Variants in ADGRV1 observed in about 807,000 individuals in gnomAD.
ADGRV1 encodes the protein adhesion G protein-coupled receptor V1.
Under a neutral mutation model 596.2 loss-of-function variants are expected in ADGRV1, and 359 were observed. The ratio of observed to expected loss-of-function variants is 0.60; its 90% CI spans 0.55 to 0.66. The LOEUF is 0.66. ADGRV1 is among the 30% of genes least tolerant of loss of function. The pLI, the probability that ADGRV1 is intolerant of heterozygous loss-of-function variation, is 0.00. For missense variants in ADGRV1, 7,274 were observed against 7,575.6 expected (o/e 0.96, Z 1.48); for synonymous variants, 2,681 against 2,679.2 (o/e 1.00, Z -0.02).
At chr5:90,865,136 T>C (rs1322597763) in intron 83 of ADGRV1, among the ~76,000 whole-genome samples, 1 of 152,148 alleles carries the variant, frequency 6.6e-6, no homozygotes, top group Non-Finnish European at 1.5e-5. Context: ...CAGAGGTCTC[T>C]GATTGGTTTT....
chr5:90,828,906 A>C, intron 76 of ADGRV1, 38 bp from the exon 77 acceptor site: 1 of 1,406,806 alleles, frequency 7.1e-7, no homozygotes, highest in Non-Finnish European at 9.6e-7. Flanking sequence ...GAAATATATT[A>C]GTAATAGTTG....
At chr5:90,563,285 T>G (rs1755105190) in intron 1 of ADGRV1, among the ~76,000 whole-genome samples, 1 of 152,232 alleles carries the variant, frequency 6.6e-6, no homozygotes, top group South Asian at 2.1e-4. Context: ...AACGAAGTAC[T>G]TGGGTTTATA....
intron 78 of ADGRV1, among the ~76,000 whole-genome samples, chr5:90,844,203 G>C (rs1765667128): frequency 6.6e-6 from 1 of 152,030 alleles, no homozygotes; most frequent in Non-Finnish European, 1.5e-5. Flanking sequence ...TATTAAAAAG[G>C]ACAGAATAGA....
At chr5:90,887,839 A>G (rs1052629838) in intron 83 of ADGRV1, among the ~76,000 whole-genome samples, 2 of 152,150 alleles carry the variant, frequency 1.3e-5, no homozygotes, top group African/African-American at 4.8e-5. Context: ...TTACTAGCCA[A>G]TGCTTCCTTT....
intron 87 of ADGRV1, among the ~76,000 whole-genome samples, chr5:91,125,581 G>A (rs528805193): frequency 6.6e-6 from 1 of 152,266 alleles, no homozygotes; most frequent in Non-Finnish European, 1.5e-5. Context: ...CAGTTAGAGT[G>A]CCATCCCTAA....
Position 90,788,067 on chromosome 5 carries a change from G to T in ADGRV1, c.13654-4G>T. On this transcript the variant is annotated splice_polypyrimidine_tract_variant and splice_region_variant and intron_variant, in intron 67 of 89. Transcript: ENST00000405460. ...GAAATACCAAAACCAAAAACATCCCGCAGGTGAACTGGGAGACAGTAGGAC... is the reference window on the plus strand; with the variant it reads ...GAAATACCAAAACCAAAAACATCCCTCAGGTGAACTGGGAGACAGTAGGAC... The T allele has an allele frequency of 4.4e-6, 7 of 1,582,638 alleles. No individual in the cohort carries two copies. The highest frequency in any genetic ancestry group is 5.1e-6 in the Non-Finnish European group (6 of 1,165,332).
chr5:91,153,207 C>T lies in ADGRV1; in HGVS notation c.18625-14C>T, dbSNP rs1796203005. 2 of 1,593,814 alleles carry T rather than the reference C, an allele frequency of 1.3e-6. No homozygotes were observed. The highest frequency in any genetic ancestry group is 2.3e-5 in the South Asian group (2 of 87,808). On this transcript the variant is annotated splice_polypyrimidine_tract_variant and intron_variant, in intron 88 of 89. Transcript: ENST00000405460. ...TATTATGGTTTCTTTTTCCCCCCAT[C>T]CCAATCTAAAAAGGTGCCACCTGAC... is the stretch of plus-strand genomic sequence containing the variant.
intron 35 of ADGRV1, 108 bp from the exon 36 acceptor site, chr5:90,704,281 A>C: frequency 1.4e-6 from 1 of 721,732 alleles, no homozygotes; most frequent in Non-Finnish European, 2.3e-6. Context: ...CTTTTGTTTA[A>C]ATGAAAATAT....
intron 85 of ADGRV1, among the ~76,000 whole-genome samples, chr5:91,061,638 T>G (rs1787437316): frequency 6.6e-6 from 1 of 152,214 alleles, no homozygotes. Context: ...TGCTGTAATG[T>G]GTCCATTTTT....
At chr5:90,699,812 G>A (rs1418953525) in intron 34 of ADGRV1, among the ~76,000 whole-genome samples, 3 of 152,076 alleles carry the variant, frequency 2.0e-5, no homozygotes, top group Non-Finnish European at 4.4e-5. Context: ...TTGTAGCCTC[G>A]TCAGTTTCCA....
chr5:91,027,932 C>T (rs903634618), intron 85 of ADGRV1, among the ~76,000 whole-genome samples: 1 of 151,946 alleles, frequency 6.6e-6, no homozygotes, highest in African/African-American at 2.4e-5. Context: ...TCTTTTGTTG[C>T]TAAGGGAATT....
At chr5:91,161,277 A>G (rs1796920633) in intron 89 of ADGRV1, among the ~76,000 whole-genome samples, 1 of 152,192 alleles carries the variant, frequency 6.6e-6, no homozygotes, top group Admixed American at 6.5e-5. Context: ...CCCAGCAGAG[A>G]AGCATGGGCC....
At chr5:90,803,846 CA>C (rs1561767821) in intron 71 of ADGRV1, among the ~76,000 whole-genome samples, 1 of 151,740 alleles carries the variant, frequency 6.6e-6, no homozygotes, top group African/African-American at 2.4e-5. Context: ...AAAGATTCAG[CA>C]AAACCATTCA....
chr5:90,976,978 T>TA (rs1486964326), intron 84 of ADGRV1, among the ~76,000 whole-genome samples: 3 of 152,234 alleles, frequency 2.0e-5, no homozygotes, highest in African/African-American at 7.2e-5. Context: ...TCTTGTGCGT[T>TA]ATTTTCTCAA....
intron 85 of ADGRV1, among the ~76,000 whole-genome samples, chr5:91,052,940 C>T (rs1786487769): frequency 6.6e-6 from 1 of 152,134 alleles, no homozygotes; most frequent in African/African-American, 2.4e-5. Flanking sequence ...AATATTAATG[C>T]TTTCTTCAGC....
chr5:90,807,067 G>A (rs1761974078), intron 72 of ADGRV1, among the ~76,000 whole-genome samples: 1 of 151,986 alleles, frequency 6.6e-6, no homozygotes, highest in African/African-American at 2.4e-5. Flanking sequence ...TGGCCAGGCT[G>A]GTCTCAAACT....
At chr5:90,856,417 G>A (rs1767028953) in intron 82 of ADGRV1, among the ~76,000 whole-genome samples, 1 of 152,048 alleles carries the variant, frequency 6.6e-6, no homozygotes. Context: ...TCCACATCTA[G>A]GCCTCATATT....
intron 54 of ADGRV1, among the ~76,000 whole-genome samples, chr5:90,754,049 A>G (rs1274800490): frequency 2.6e-5 from 4 of 152,148 alleles, no homozygotes; most frequent in African/African-American, 7.2e-5. Context: ...GATACATTAT[A>G]TTAGAAATAT....
chr5:91,151,505 A>T (rs1436600351), intron 88 of ADGRV1, among the ~76,000 whole-genome samples: 1 of 152,150 alleles, frequency 6.6e-6, no homozygotes, highest in East Asian at 1.9e-4. Flanking sequence ...ATCTAGTACG[A>T]TTTCTCTATC....
Sources: allele counts gnomAD v4.1 joint callset (sites outside exome capture counted in the v4.1 genomes callset), GRCh38; gene constraint gnomAD v4.1.1; transcripts MANE v1.5; gene names NCBI Gene and HGNC (gene_info 2026-07-23, HGNC 2026-07-21).